Variants in CC2D2B observed in about 807,000 individuals in gnomAD.
The protein encoded by CC2D2B is coiled-coil and C2 domain containing 2B.
Under a neutral mutation model 161.2 loss-of-function variants are expected in CC2D2B, and 128 were observed. The observed-to-expected ratio is 0.79, with a 90% confidence interval of 0.69 to 0.92. CC2D2B has a LOEUF of 0.92. Among genes scored for constraint, CC2D2B ranks in the 40% least tolerant of loss-of-function variants. The pLI is 0.00. For missense variants in CC2D2B, 1,173 were observed against 1,375.1 expected (o/e 0.85, Z 2.32); for synonymous variants, 391 against 449.8 (o/e 0.87, Z 1.65).
chr10:96,008,194 T>G (rs1590860626), intron 25 of CC2D2B, among the ~76,000 whole-genome samples: 1 of 150,504 alleles, frequency 6.6e-6, no homozygotes, highest in African/African-American at 2.4e-5. Context: ...TGGTTTTGCT[T>G]CTTTTACTCA....
intron 5 of CC2D2B, among the ~76,000 whole-genome samples, 178 bp downstream of exon 5, chr10:95,925,022 A>T (rs558770147): frequency 6.6e-6 from 1 of 152,244 alleles, no homozygotes; most frequent in Non-Finnish European, 1.5e-5. Context: ...CCTCTTTATC[A>T]GTGATTGCCC....
At position 96,033,422 on chromosome 10, in the gene CC2D2B, T is replaced by C. The variant is rs1410459668; in HGVS notation, c.*1414T>C. Reference sequence around the variant, plus strand: ...GCATGCATAAGAAAACTGATCAGAATTTTTACTTTTATTTGAATGTTTTTG... The same window carrying C: ...GCATGCATAAGAAAACTGATCAGAACTTTTACTTTTATTTGAATGTTTTTG... On this transcript the variant is annotated 3_prime_UTR_variant, in exon 35 of 35. Coordinates refer to ENST00000646931, the MANE Select transcript of CC2D2B (RefSeq NM_001349008.3). 6.6e-6 allele frequency among the ~76,000 whole-genome samples: 1 copy of C among 152,138 alleles called. No homozygotes were observed. The highest frequency in any genetic ancestry group is 6.6e-5 in the Admixed American group (1 of 15,256).
intron 9 of CC2D2B, among the ~76,000 whole-genome samples, chr10:95,947,109 A>ATTT (rs1442941741): frequency 2.5e-5 from 1 of 40,046 alleles, no homozygotes; most frequent in African/African-American, 1.7e-4. Flanking sequence ...ATATATATAT[A>ATTT]TATATTTTTT....
At chr10:95,933,053 A>G (rs1301195819) in intron 6 of CC2D2B, among the ~76,000 whole-genome samples, 7 of 152,074 alleles carry the variant, frequency 4.6e-5, no homozygotes, top group Admixed American at 1.3e-4. Context: ...ACATAGTCCC[A>G]TATTTCTTAG....
chr10:95,954,515 A>T (rs1013491554), intron 10 of CC2D2B, among the ~76,000 whole-genome samples: 1 of 152,128 alleles, frequency 6.6e-6, no homozygotes, highest in Non-Finnish European at 1.5e-5. Context: ...TAATTATTAA[A>T]TTATATGTCA....
chr10:95,980,326 T>C (rs370245546), intron 17 of CC2D2B, among the ~76,000 whole-genome samples: 7 of 152,208 alleles, frequency 4.6e-5, no homozygotes, highest in Admixed American at 1.3e-4. Context: ...GGGGGAATCA[T>C]TGTAGCAAGG....
chr10:95,986,845 C>G (rs988825217), intron 19 of CC2D2B, among the ~76,000 whole-genome samples: 1 of 152,012 alleles, frequency 6.6e-6, no homozygotes, highest in African/African-American at 2.4e-5. Flanking sequence ...GATCCGCCCG[C>G]CTCGGCCTCC....
At chr10:95,933,221 T>A (rs2075676306) in intron 6 of CC2D2B, among the ~76,000 whole-genome samples, 1 of 152,158 alleles carries the variant, frequency 6.6e-6, no homozygotes. Flanking sequence ...GCTGTGTTTT[T>A]CAGCTCCATC....
At chr10:95,946,019 A>C (rs2076185360) in intron 9 of CC2D2B, among the ~76,000 whole-genome samples, 4 of 152,124 alleles carry the variant, frequency 2.6e-5, no homozygotes, top group African/African-American at 9.7e-5. Context: ...TCTTGACCTC[A>C]GAAGACCTGC....
chr10:95,968,752 C>T lies in CC2D2B; in HGVS notation c.1495C>T (p.Gln499Ter). ...TGAACAAAAAAGAAGAGCCAAAATT[C>T]AGAAGCTCAAATACTTTATTAAAAT... is the stretch of plus-strand genomic sequence containing the variant. ...LHEQKRRAKI[Q>*]KLKYFIKIFY... Residue 499 changes from glutamine (Q) to a stop codon, truncating the protein, a stop_gained, in exon 15 of 35, where the codon CAG (glutamine) becomes TAG (stop). Coordinates refer to ENST00000646931, the MANE Select transcript of CC2D2B (RefSeq NM_001349008.3). LOFTEE classifies it high-confidence loss of function. 1.6e-6 allele frequency: 2 copies of T among 1,214,174 alleles called. No individual in the cohort carries two copies. The highest frequency in any genetic ancestry group is 2.1e-6 in the Non-Finnish European group (2 of 971,878). 75.2% of individuals were successfully genotyped at this position (1,214,174 alleles called of 1,614,324 possible).
At chr10:96,009,443 T>C (rs1323954541) in intron 25 of CC2D2B, among the ~76,000 whole-genome samples, 1 of 152,156 alleles carries the variant, frequency 6.6e-6, no homozygotes, top group Non-Finnish European at 1.5e-5. Flanking sequence ...TAACTGTTGC[T>C]CTCAGGTTTA....
intron 1 of CC2D2B, among the ~76,000 whole-genome samples, chr10:95,908,931 T>G (rs1232670407): frequency 6.6e-6 from 1 of 152,104 alleles, no homozygotes; most frequent in Admixed American, 6.6e-5. Flanking sequence ...ATGATAGTTT[T>G]TGTAACCTGT....
At chr10:95,939,371 T>C (rs2075942526) in intron 9 of CC2D2B, among the ~76,000 whole-genome samples, 1 of 152,166 alleles carries the variant, frequency 6.6e-6, no homozygotes, top group Non-Finnish European at 1.5e-5. Context: ...AAAATACCTT[T>C]ATTTATTAAC....
rs2077952531 is a variant in CC2D2B at position 95,991,456 on chromosome 10, T to C, written c.2466T>C (p.Ser822=). The change falls in exon 21 of 35, where the codon TCT becomes TCC. Residue 822 remains serine, a synonymous_variant. Coordinates refer to ENST00000646931, the MANE Select transcript of CC2D2B (RefSeq NM_001349008.3). ...DIVNDYEEIV[S]TSQLTDAVCK... ...TGAATGATTATGAAGAAATTGTATCTACAAGGTAATTGCTAAAAACTATTA... is the reference window on the plus strand; with the variant it reads ...TGAATGATTATGAAGAAATTGTATCCACAAGGTAATTGCTAAAAACTATTA... The C allele has an allele frequency of 1.0e-6, 1 of 996,584 alleles. No individual in the cohort carries two copies. The highest frequency in any genetic ancestry group is 1.3e-6 in the Non-Finnish European group (1 of 772,512). The allele number at this position is 996,584 out of a possible 1,614,324, so 61.7% of individuals were successfully genotyped here.
intron 19 of CC2D2B, among the ~76,000 whole-genome samples, chr10:95,985,121 T>C (rs181208893): frequency 5.3e-5 from 8 of 152,334 alleles, no homozygotes; most frequent in South Asian, 2.1e-4. Context: ...TGAAATATTT[T>C]TGAATGATAT....
At chr10:95,929,155 G>T (rs972335371) in intron 6 of CC2D2B, among the ~76,000 whole-genome samples, 1 of 152,122 alleles carries the variant, frequency 6.6e-6, no homozygotes, top group Non-Finnish European at 1.5e-5. Flanking sequence ...GACCAGTGAT[G>T]GTGAGCTTTT....
intron 12 of CC2D2B, among the ~76,000 whole-genome samples, chr10:95,964,163 A>C (rs980227321): frequency 1.3e-5 from 2 of 152,200 alleles, no homozygotes; most frequent in Non-Finnish European, 2.9e-5. Flanking sequence ...ATGCAACAAC[A>C]TTTGATAAAA....
chr10:95,991,533 C>T (rs2077955282), intron 21 of CC2D2B, 72 bp downstream of exon 21: 1 of 431,336 alleles, frequency 2.3e-6, no homozygotes, highest in Admixed American at 4.6e-5. Context: ...TCTAAGTTCT[C>T]TATTTTTATT....
intron 24 of CC2D2B, chr10:95,999,868 C>T (rs190325603): frequency 4.3e-5 from 21 of 486,314 alleles, no homozygotes; most frequent in Non-Finnish European, 7.3e-5. Flanking sequence ...AGCAGGCTGG[C>T]ACTTCAGTTG....
Sources: gnomAD v4.1 joint callset for allele counts (sites outside exome capture counted in the v4.1 genomes callset) on GRCh38, gnomAD v4.1.1 for gene constraint, MANE v1.5 for transcripts, NCBI Gene and HGNC (gene_info 2026-07-23, HGNC 2026-07-21) for gene names.